Variants in AFAP1L2 observed in about 807,000 individuals in gnomAD.
The protein encoded by AFAP1L2 is actin filament associated protein 1 like 2.
AFAP1L2 carries 46 observed loss-of-function variants against 99.3 expected under a neutral mutation model. The ratio of observed to expected loss-of-function variants is 0.46; its 90% CI spans 0.37 to 0.59. AFAP1L2 has a LOEUF of 0.59. AFAP1L2 is among the 20% of genes least tolerant of loss of function. AFAP1L2 has a pLI of 0.00. For missense variants in AFAP1L2, 959 were observed against 1,034.9 expected (o/e 0.93, Z 1.01); for synonymous variants, 397 against 419.1 (o/e 0.95, Z 0.64).
chr10:114,282,468 C>T, the AFAP1L2 span: 2 of 1,476,624 alleles, frequency 1.4e-6, no homozygotes, highest in Non-Finnish European at 9.5e-7. Flanking sequence ...TTTCTGCCCT[C>T]CCCTTACACC....
At chr10:114,311,860 G>A (rs917991079) in intron 7 of AFAP1L2, among the ~76,000 whole-genome samples, 11 of 152,202 alleles carry the variant, frequency 7.2e-5, no homozygotes, top group African/African-American at 2.7e-4. Flanking sequence ...TGCAGAATTG[G>A]GACACAGAGG....
chr10:114,329,797 G>C (rs1276618555), intron 4 of AFAP1L2, among the ~76,000 whole-genome samples: 1 of 152,218 alleles, frequency 6.6e-6, no homozygotes, highest in African/African-American at 2.4e-5. Flanking sequence ...GCCCAGGCTG[G>C]GGGAGGAATT....
intron 1 of AFAP1L2, among the ~76,000 whole-genome samples, 195 bp downstream of exon 1, chr10:114,404,245 G>A (rs1162153504): frequency 6.6e-6 from 1 of 152,142 alleles, no homozygotes; most frequent in Non-Finnish European, 1.5e-5. Context: ...GGCTCGGGCC[G>A]CAGCAGCCAC....
At chr10:114,310,221 C>T in intron 8 of AFAP1L2, 133 bp downstream of exon 8, 1 of 927,446 alleles carries the variant, frequency 1.1e-6, no homozygotes. Flanking sequence ...GCCCACCCTG[C>T]CCGGCCTCAA....
At chr10:114,288,024 G>T in the AFAP1L2 span, among the ~76,000 whole-genome samples, 1 of 152,146 alleles carries the variant, frequency 6.6e-6, no homozygotes, top group Non-Finnish European at 1.5e-5. Flanking sequence ...CAGAGCATCA[G>T]CTCCTCTAAC....
At chr10:114,356,803 T>C (rs1564967569) in intron 1 of AFAP1L2, among the ~76,000 whole-genome samples, 1 of 152,206 alleles carries the variant, frequency 6.6e-6, no homozygotes, top group Non-Finnish European at 1.5e-5. Flanking sequence ...TATTCTTGAA[T>C]GAGAATTCCA....
chr10:114,302,355 C>T lies in AFAP1L2; in HGVS notation c.1414G>A (p.Ala472Thr). Reference protein sequence around the residue: ...ADRVSCIVSAAKNSLLLMQRK... With the variant: ...ADRVSCIVSATKNSLLLMQRK... ...ATTACTCACAAGAGAGAGTTTTTGG[C>T]CGCACTCACAATACAGGAGACCCTA... The change falls in exon 12 of 19, where the codon GCC becomes ACC. Residue 472 changes from alanine to threonine, a missense_variant. Transcript: ENST00000304129. 1.2e-6 allele frequency: 2 copies of T among 1,614,098 alleles called. No homozygotes were observed. Among genetic ancestry groups the T allele is most frequent in the South Asian group, 2.2e-5 (2 of 91,084 alleles).
chr10:114,346,787 T>G (rs192301703), intron 1 of AFAP1L2, among the ~76,000 whole-genome samples: 269 of 152,308 alleles, frequency 1.8e-3, no homozygotes, highest in African/African-American at 6.0e-3. Flanking sequence ...GGTCAATAAG[T>G]TTCTTGTTTG....
chr10:114,346,001 C>G (rs1425945469), intron 1 of AFAP1L2, among the ~76,000 whole-genome samples: 1 of 152,180 alleles, frequency 6.6e-6, no homozygotes, highest in African/African-American at 2.4e-5. Context: ...TGGCACCTGC[C>G]CATCGGGGAG....
chr10:114,372,801 A>T (rs997049384), intron 1 of AFAP1L2, among the ~76,000 whole-genome samples: 5 of 152,180 alleles, frequency 3.3e-5, no homozygotes, highest in Admixed American at 2.6e-4. Flanking sequence ...TCCTTCCAGG[A>T]ATTTCCTATG....
intron 7 of AFAP1L2, among the ~76,000 whole-genome samples, chr10:114,311,673 G>A (rs527364259): frequency 2.0e-5 from 3 of 152,362 alleles, no homozygotes; most frequent in East Asian, 1.9e-4. Context: ...ATACACGGAT[G>A]GCCCTGCCCA....
At chr10:114,348,365 T>C (rs1173328712) in intron 1 of AFAP1L2, among the ~76,000 whole-genome samples, 1 of 152,188 alleles carries the variant, frequency 6.6e-6, no homozygotes, top group African/African-American at 2.4e-5. Flanking sequence ...TTTGTGCCTT[T>C]TATAGGCAGC....
intron 1 of AFAP1L2, among the ~76,000 whole-genome samples, chr10:114,380,601 A>C (rs2055480403): frequency 6.6e-6 from 1 of 152,216 alleles, no homozygotes; most frequent in African/African-American, 2.4e-5. Flanking sequence ...AAAAAGTAAG[A>C]GTGAGGGAAC....
chr10:114,301,356 C>A lies in AFAP1L2; in HGVS notation c.1540G>T (p.Ala514Ser), dbSNP rs769731490. The part of the protein sequence containing the change: ...DDVDLSELTA[A>S]VEPTEEATPV... Reference sequence around the variant, plus strand: ...CCACTGCCTGGCCGGGTCCTTACCGCAGCTGTGAGCTCTGACAGGTCCACG... The same window carrying A: ...CCACTGCCTGGCCGGGTCCTTACCGAAGCTGTGAGCTCTGACAGGTCCACG... The change falls in exon 13 of 19, where the codon GCG (alanine) becomes TCG (serine). Residue 514 changes from alanine to serine, a missense_variant and splice_region_variant. By Grantham distance (99) the Ala-to-Ser change is moderately conservative. Transcript: ENST00000304129. The A allele has an allele frequency of 3.1e-6, 5 of 1,613,484 alleles. No individual in the cohort carries two copies. The African/African-American group carries it at 5.3e-5, about 17-fold the overall frequency.
chr10:114,320,104 T>C (rs1390259879), intron 5 of AFAP1L2, among the ~76,000 whole-genome samples: 1 of 152,056 alleles, frequency 6.6e-6, no homozygotes, highest in Non-Finnish European at 1.5e-5. Context: ...TTGCATTGTG[T>C]TACTATAAAC....
chr10:114,382,226 C>T lies in AFAP1L2; in HGVS notation c.16+22214G>A, dbSNP rs1168527102. Among the ~76,000 whole-genome samples, 5 of 152,012 alleles carry T rather than the reference C, an allele frequency of 3.3e-5. No homozygotes were observed. The East Asian group carries it at 9.6e-4, about 29-fold the overall frequency. Reference sequence around the variant, plus strand: ...ACCTACATGCAAGGCAATTCATGGACGTGTTGTTTGTCATAGCAAAGGATT... The same window carrying T: ...ACCTACATGCAAGGCAATTCATGGATGTGTTGTTTGTCATAGCAAAGGATT... On this transcript the variant is annotated intron_variant, in intron 1 of 18. Coordinates refer to ENST00000304129, the MANE Select transcript of AFAP1L2 (RefSeq NM_001001936.3).
rs1242452053 is a variant in AFAP1L2, at chr10:114,327,167, ATATATAT to A, written c.316-3913_316-3907del. The stretch of plus-strand genomic sequence containing the variant: ...TATATTTATATATATATATATATAT[ATATATAT>A]TTTTTTTTTAGGCAGAGTCTCACTG... On this transcript the variant is annotated intron_variant, in intron 4 of 18. Transcript: ENST00000304129. 8.8e-3 allele frequency among the ~76,000 whole-genome samples: 697 copies of A among 79,534 alleles called. 45 individuals are homozygous for A. Among genetic ancestry groups the A allele is most frequent in the African/African-American group, 0.023 (681 of 29,028 alleles). The allele number at this position is 79,534 out of a possible 152,430, so 52.2% of individuals were successfully genotyped here.
intron 1 of AFAP1L2, among the ~76,000 whole-genome samples, chr10:114,402,313 C>T (rs1342906515): frequency 6.6e-6 from 1 of 152,148 alleles, no homozygotes; most frequent in African/African-American, 2.4e-5. Flanking sequence ...AAAGGGTGTT[C>T]AAAGCACAAC....
chr10:114,331,869 A>T lies in AFAP1L2; in HGVS notation c.249T>A (p.Asn83Lys). ...KAPEEQGLLPNGEPSQHSSAP... is the reference protein window; with the variant it reads ...KAPEEQGLLPKGEPSQHSSAP... ...CCGAGGAGTGCTGGCTGGGCTCCCC[A>T]TTGGGTAGCAGGCCCTGCTCCTCAG... The change falls in exon 4 of 19, where the codon AAT becomes AAA. Residue 83 changes from asparagine (N) to lysine (K), a missense_variant. By Grantham distance (94) the Asn-to-Lys change is moderately conservative. Transcript: ENST00000304129. 1.5e-6 allele frequency: 2 copies of T among 1,361,976 alleles called. No homozygotes were observed. Among genetic ancestry groups the T allele is most frequent in the Non-Finnish European group, 1.9e-6 (2 of 1,049,440 alleles). The allele number at this position is 1,361,976 out of a possible 1,614,324, so 84.4% of individuals were successfully genotyped here.
Sources: allele counts gnomAD v4.1 joint callset (sites outside exome capture counted in the v4.1 genomes callset), GRCh38; gene constraint gnomAD v4.1.1; transcripts MANE v1.5; gene names NCBI Gene and HGNC (gene_info 2026-07-23, HGNC 2026-07-21).